The following MAST2 variants were observed in gnomAD, a reference collection of about 807,000 sequenced individuals.
MAST2 encodes microtubule associated serine/threonine kinase 2, also known as microtubule-associated serine/threonine-protein kinase 2.
Under a neutral mutation model 147.4 loss-of-function variants are expected in MAST2, and 70 were observed. That is an observed-to-expected ratio of 0.47 (90% CI 0.39 to 0.58). The LOEUF is 0.58. Ranked by LOEUF, MAST2 falls within the 20% of genes least tolerant of loss-of-function variation. MAST2 has a pLI of 0.00. For synonymous variants in MAST2, 869 were observed against 896.8 expected (o/e 0.97, Z 0.55); for missense variants, 2,080 against 2,302.3 (o/e 0.90, Z 1.98).
At chr1:45,940,467 T>A (rs1304524397) in intron 4 of MAST2, among the ~76,000 whole-genome samples, 1 of 152,172 alleles carries the variant, frequency 6.6e-6, no homozygotes, top group Non-Finnish European at 1.5e-5. Context: ...AGAAATACAT[T>A]GACTTTTGTC....
At chr1:45,863,626 A>C (rs1646051359) in intron 3 of MAST2, among the ~76,000 whole-genome samples, 1 of 152,218 alleles carries the variant, frequency 6.6e-6, no homozygotes, top group Non-Finnish European at 1.5e-5. Flanking sequence ...CTTTCCTTCA[A>C]GCCCTAGACT....
intron 5 of MAST2, among the ~76,000 whole-genome samples, chr1:45,976,433 T>A (rs1223898548): frequency 6.6e-6 from 1 of 152,074 alleles, no homozygotes; most frequent in African/African-American, 2.4e-5. Flanking sequence ...CCCATCTCTA[T>A]TAAAAATACA....
At chr1:45,874,951 C>T (rs1646538345) in intron 3 of MAST2, among the ~76,000 whole-genome samples, 1 of 151,982 alleles carries the variant, frequency 6.6e-6, no homozygotes, top group Non-Finnish European at 1.5e-5. Context: ...GTAATCCAGA[C>T]CAGGAGAACA....
chr1:45,913,469 C>A (rs1208662215), intron 4 of MAST2: 6 of 479,976 alleles, frequency 1.3e-5, no homozygotes, highest in Non-Finnish European at 1.6e-5. Flanking sequence ...GAGGTTGCAA[C>A]TGATTTGTGG....
chr1:45,870,408 A>T (rs1646336098), intron 3 of MAST2, among the ~76,000 whole-genome samples: 1 of 152,044 alleles, frequency 6.6e-6, no homozygotes, highest in Admixed American at 6.6e-5. Flanking sequence ...GCTCATGTAT[A>T]TAATGTAAGT....
chr1:45,927,545 G>C (rs4297233), intron 4 of MAST2, among the ~76,000 whole-genome samples: 51,597 of 151,910 alleles, frequency 0.34, 9,138 homozygotes, highest in African/African-American at 0.43. Flanking sequence ...TGAAAGAAGA[G>C]AAATACGGCT....
At chr1:45,956,693 G>A (rs1659706908) in intron 4 of MAST2, among the ~76,000 whole-genome samples, 1 of 152,166 alleles carries the variant, frequency 6.6e-6, no homozygotes, top group African/African-American at 2.4e-5. Context: ...TTTTAGCCAC[G>A]AAATCAAGTG....
At chr1:45,865,716 C>G (rs977686113) in intron 3 of MAST2, among the ~76,000 whole-genome samples, 2 of 152,122 alleles carry the variant, frequency 1.3e-5, no homozygotes, top group African/African-American at 4.8e-5. Context: ...TAAGATATAA[C>G]AGTGAATGAA....
At chr1:45,843,146 T>A (rs1645327940) in intron 3 of MAST2, among the ~76,000 whole-genome samples, 1 of 152,142 alleles carries the variant, frequency 6.6e-6, no homozygotes, top group Non-Finnish European at 1.5e-5. Context: ...AATTTTTTTG[T>A]TGTTTTAAGT....
intron 4 of MAST2, chr1:45,917,626 G>A: frequency 1.1e-6 from 1 of 913,068 alleles, no homozygotes; most frequent in South Asian, 1.5e-5. Context: ...GGGAGAAATG[G>A]AGTAAGAGTC....
At chr1:45,846,603 C>G (rs1326139527) in intron 3 of MAST2, among the ~76,000 whole-genome samples, 6 of 151,960 alleles carry the variant, frequency 3.9e-5, no homozygotes, top group Admixed American at 1.3e-4. Context: ...AGGTGAATCA[C>G]GAGGTCAGAA....
intron 3 of MAST2, among the ~76,000 whole-genome samples, chr1:45,832,305 CTTTT>C (rs758899496): frequency 1.4e-5 from 2 of 143,698 alleles, no homozygotes; most frequent in African/African-American, 2.5e-5. Context: ...TTCTTTCTTT[CTTTT>C]TTTTTTTTTG....
intron 26 of MAST2, 50 bp from the exon 27 acceptor site, chr1:46,033,752 G>A (rs763069935): frequency 1.3e-6 from 2 of 1,597,012 alleles, no homozygotes; most frequent in East Asian, 2.2e-5. Flanking sequence ...GGAGGGGAGG[G>A]GCAAGAATAT....
intron 3 of MAST2, among the ~76,000 whole-genome samples, chr1:45,845,814 G>A (rs1345245911): frequency 2.0e-5 from 3 of 152,212 alleles, no homozygotes; most frequent in Non-Finnish European, 4.4e-5. Context: ...AGGCTGGAGT[G>A]CAGCGGTGCG....
chr1:45,968,482 GTT>G (rs35946730), intron 5 of MAST2, among the ~76,000 whole-genome samples: 17 of 144,154 alleles, frequency 1.2e-4, no homozygotes, highest in Non-Finnish European at 1.4e-4. Context: ...TTTTTTTGTT[GTT>G]TTTTTTTTTT....
chr1:45,912,560 C>T (rs1332624761), intron 4 of MAST2, among the ~76,000 whole-genome samples: 1 of 152,178 alleles, frequency 6.6e-6, no homozygotes, highest in Admixed American at 6.5e-5. Flanking sequence ...ACTGGTTTGC[C>T]TATGAGTTAG....
intron 10 of MAST2, among the ~76,000 whole-genome samples, chr1:46,011,989 T>G (rs1439785520): frequency 6.6e-6 from 1 of 152,252 alleles, no homozygotes; most frequent in Non-Finnish European, 1.5e-5. Flanking sequence ...GTGAGAAAGG[T>G]TTTGATTTAA....
intron 3 of MAST2, among the ~76,000 whole-genome samples, chr1:45,843,463 AGTTTATTTTTTT>A (rs2147926700): frequency 6.6e-6 from 1 of 152,280 alleles, no homozygotes; most frequent in South Asian, 2.1e-4. Flanking sequence ...GTGAGGCAAG[AGTTTATTTTTTT>A]GCATGTGGAT....
At position 45,915,769 on chromosome 1, in the gene MAST2, A is replaced by G. The variant is rs1315053834; in HGVS notation, c.500+33374A>G. Reference sequence around the variant, plus strand: ...GCTTTCATAGATTTTTATAATTTCAATTATATATTGAACAAAATGTCTAAA... The same window carrying G: ...GCTTTCATAGATTTTTATAATTTCAGTTATATATTGAACAAAATGTCTAAA... On this transcript the variant is annotated intron_variant, in intron 4 of 28. Transcript: ENST00000361297. 6.6e-5 allele frequency among the ~76,000 whole-genome samples: 10 copies of G among 152,176 alleles called. No individual in the cohort carries two copies. In the South Asian group the frequency reaches 8.3e-4, roughly 13 times the overall value.
Sources: allele counts gnomAD v4.1 joint callset (sites outside exome capture counted in the v4.1 genomes callset), GRCh38; gene constraint gnomAD v4.1.1; transcripts MANE v1.5; gene names NCBI Gene and HGNC (gene_info 2026-07-23, HGNC 2026-07-21).